The following TP73 variants were observed in gnomAD, a reference collection of about 807,000 sequenced individuals.
TP73 encodes p53-like transcription factor.
Under a neutral mutation model 62.5 loss-of-function variants are expected in TP73, and 25 were observed. That is an observed-to-expected ratio of 0.40 (90% CI 0.29 to 0.56). The LOEUF is 0.56. Among genes scored for constraint, TP73 ranks in the 20% least tolerant of loss-of-function variants. The pLI is 0.46. For missense variants in TP73, 754 were observed against 913.3 expected (o/e 0.83, Z 2.25); for synonymous variants, 423 against 377.5 (o/e 1.12, Z -1.40).
At chr1:3,694,914 T>G (rs1384500877) in intron 3 of TP73, among the ~76,000 whole-genome samples, 1 of 121,914 alleles carries the variant, frequency 8.2e-6, no homozygotes, top group African/African-American at 2.9e-5. Flanking sequence ...CAGCCCCTCC[T>G]CCCGCAATCC....
chr1:3,669,936 G>A (rs1645202898), intron 1 of TP73, among the ~76,000 whole-genome samples: 1 of 152,236 alleles, frequency 6.6e-6, no homozygotes, highest in African/African-American at 2.4e-5. Flanking sequence ...GCATGTATGT[G>A]CAAGTGTGTT....
chr1:3,671,059 C>T (rs544280772), intron 1 of TP73, among the ~76,000 whole-genome samples: 12 of 152,316 alleles, frequency 7.9e-5, no homozygotes, highest in Admixed American at 4.6e-4. Flanking sequence ...TCCTGACAGC[C>T]GTCCCTCGTG....
chr1:3,719,417 G>A (rs3765770), intron 4 of TP73, among the ~76,000 whole-genome samples: 4,617 of 152,290 alleles, frequency 0.03, 162 homozygotes, highest in East Asian at 0.18. Context: ...TCCCCTGCTC[G>A]GGGCACTGGC....
Position 3,699,152 on chromosome 1 carries a change from G to A in TP73, c.187-8397G>A, listed in dbSNP as rs910941861. 3.3e-5 allele frequency among the ~76,000 whole-genome samples: 5 copies of A among 152,132 alleles called. No individual in the cohort carries two copies. The highest frequency in any genetic ancestry group is 3.9e-4 in the East Asian group (2 of 5,184). Reference sequence around the variant, plus strand: ...GGGAGAGGGAGGCTTCCCCCCAGCCGCATGTCGAATCTTGTTGGCATTTCC... The same window carrying A: ...GGGAGAGGGAGGCTTCCCCCCAGCCACATGTCGAATCTTGTTGGCATTTCC... On this transcript the variant is annotated intron_variant, in intron 3 of 13. Coordinates refer to ENST00000378295, the MANE Select transcript of TP73 (RefSeq NM_005427.4). The surrounding 1 kb of genome is among the most constrained non-coding windows in gnomAD (Gnocchi z 4.1).
At position 3,663,992 on chromosome 1, in the gene TP73, A is replaced by C. The variant is rs1046347110; in HGVS notation, c.-34+11351A>C. Among the ~76,000 whole-genome samples the C allele has an allele frequency of 3.3e-5, 5 of 152,058 alleles. No individual in the cohort carries two copies. The highest frequency in any genetic ancestry group is 7.4e-5 in the Non-Finnish European group (5 of 67,988). On this transcript the variant is annotated intron_variant, in intron 1 of 13. Coordinates refer to ENST00000378295, the MANE Select transcript of TP73 (RefSeq NM_005427.4). This position sits in a 1 kb window ranked among gnomAD's most constrained non-coding sequence, Gnocchi z 4.7. Reference sequence around the variant, plus strand: ...GGTCGTGGCCGGCCCCCCTCCCTCCATGCCACAGGCTCTCTGGAGAGGCCA... The same window carrying C: ...GGTCGTGGCCGGCCCCCCTCCCTCCCTGCCACAGGCTCTCTGGAGAGGCCA...
chr1:3,690,754 G>A (rs907450361), intron 3 of TP73: 33 of 1,459,654 alleles, frequency 2.3e-5, no homozygotes, highest in South Asian at 6.8e-5. Context: ...CAGCATCCTC[G>A]GCTCCTGCCT....
chr1:3,695,810 C>T (rs1638598556), intron 3 of TP73, among the ~76,000 whole-genome samples: 1 of 152,220 alleles, frequency 6.6e-6, no homozygotes, highest in Non-Finnish European at 1.5e-5. Context: ...GGGGGCAGGG[C>T]CAAGGCCAGG....
rs146593656 is a variant in TP73 at position 3,706,508 on chromosome 1, C to T, written c.187-1041C>T. On this transcript the variant is annotated intron_variant, in intron 3 of 13. Coordinates refer to ENST00000378295, the MANE Select transcript of TP73 (RefSeq NM_005427.4). Reference sequence around the variant, plus strand: ...ACAATCACGGTGCCCGCCGCAGGCCCGGGGAGAGGGGGGTAAAGGCATTTG... The same window carrying T: ...ACAATCACGGTGCCCGCCGCAGGCCTGGGGAGAGGGGGGTAAAGGCATTTG... Among the ~76,000 whole-genome samples, 841 of 148,852 alleles carry T rather than the reference C, an allele frequency of 5.6e-3. 12 individuals carry two copies. Among genetic ancestry groups the T allele is most frequent in the African/African-American group, 0.02 (780 of 39,392 alleles).
At chr1:3,704,774 C>T (rs1477939114) in intron 3 of TP73, among the ~76,000 whole-genome samples, 3 of 152,132 alleles carry the variant, frequency 2.0e-5, no homozygotes, top group Non-Finnish European at 2.9e-5. Flanking sequence ...CTGGGCTGTG[C>T]GACCAGAGCC....
intron 3 of TP73, among the ~76,000 whole-genome samples, chr1:3,700,595 G>C (rs933208885): frequency 1.3e-5 from 2 of 152,072 alleles, no homozygotes; most frequent in Admixed American, 1.3e-4. Flanking sequence ...TCAGGAGTTC[G>C]AGACCAGCCT....
rs75743279 is a variant in TP73, at chr1:3,699,839, G to C, written c.187-7710G>C. 4.6e-5 allele frequency among the ~76,000 whole-genome samples: 7 copies of C among 152,208 alleles called. No homozygotes were observed. In the East Asian group the frequency reaches 1.4e-3, roughly 29 times the overall value. ...GGATTTCAGCTGACATCCCTACTACGCTTTTTCACGTGCCTCCCTCTCTGA... is the reference window on the plus strand; with the variant it reads ...GGATTTCAGCTGACATCCCTACTACCCTTTTTCACGTGCCTCCCTCTCTGA... On this transcript the variant is annotated intron_variant, in intron 3 of 13. Coordinates refer to ENST00000378295, the MANE Select transcript of TP73 (RefSeq NM_005427.4). This position sits in a 1 kb window ranked among gnomAD's most constrained non-coding sequence, Gnocchi z 4.1.
chr1:3,673,408 G>C (rs1570399836), intron 1 of TP73, among the ~76,000 whole-genome samples: 1 of 152,188 alleles, frequency 6.6e-6, no homozygotes, highest in Admixed American at 6.5e-5. Context: ...ATGGCAACTC[G>C]ATACGGTTTA....
In TP73 at chr1:3,735,581, G is replaced by C. The variant is rs1190517712; in HGVS notation, c.*2502G>C. 1 of 152,232 alleles carries C rather than the reference G, an allele frequency of 6.6e-6. No individual in the cohort carries two copies. Among genetic ancestry groups the C allele is most frequent in the Non-Finnish European group, 1.5e-5 (1 of 68,054 alleles). 9.4% of individuals were successfully genotyped at this position (152,232 alleles called of 1,614,324 possible). A position where few individuals can be genotyped will look rare whatever the true frequency, so the allele number is the denominator to read the frequency against. On this transcript the variant is annotated 3_prime_UTR_variant, in exon 14 of 14. Transcript: ENST00000378295. ...CAGAGTTGAGACTTCGCCGTGGTCA[G>C]GAGAAAATGCAAATTCCCAGGAACA...
chr1:3,689,641 G>C lies in TP73; in HGVS notation c.186+6461G>C, dbSNP rs973259567. Reference sequence around the variant, plus strand: ...GCCCCTGCCGGCTCTCGGTGGGGACGACAGGGAGGAAGGAAGCTGGGGAGA... The same window carrying C: ...GCCCCTGCCGGCTCTCGGTGGGGACCACAGGGAGGAAGGAAGCTGGGGAGA... On this transcript the variant is annotated intron_variant, in intron 3 of 13. Coordinates refer to ENST00000378295, the MANE Select transcript of TP73 (RefSeq NM_005427.4). Among the ~76,000 whole-genome samples the C allele has an allele frequency of 3.3e-5, 5 of 151,812 alleles. No individual in the cohort carries two copies. In the East Asian group the frequency reaches 9.8e-4, roughly 30 times the overall value.
chr1:3,673,754 C>T (rs966308406), intron 1 of TP73, among the ~76,000 whole-genome samples: 1 of 152,214 alleles, frequency 6.6e-6, no homozygotes, highest in Non-Finnish European at 1.5e-5. Context: ...CAGCAGAGGA[C>T]AAGGCGGGCC....
chr1:3,729,487 G>A (rs1293387034), intron 10 of TP73, 39 bp downstream of exon 10: 3 of 1,611,270 alleles, frequency 1.9e-6, no homozygotes, highest in Non-Finnish European at 2.5e-6. Flanking sequence ...TGGGGAAGGA[G>A]GACATGGCTT....
At chr1:3,655,046 G>A (rs560505170) in intron 1 of TP73, among the ~76,000 whole-genome samples, 11 of 152,348 alleles carry the variant, frequency 7.2e-5, no homozygotes, top group East Asian at 3.9e-4. Flanking sequence ...GTGACATCGC[G>A]TACACGGTGA....
At chr1:3,667,389 C>T (rs911189098) in intron 1 of TP73, among the ~76,000 whole-genome samples, 6 of 152,200 alleles carry the variant, frequency 3.9e-5, no homozygotes, top group South Asian at 2.1e-4. Context: ...TCATTGGTTA[C>T]GGCAGCCACA....
chr1:3,704,298 T>C (rs1194256270), intron 3 of TP73, among the ~76,000 whole-genome samples: 1 of 152,142 alleles, frequency 6.6e-6, no homozygotes, highest in African/African-American at 2.4e-5. Flanking sequence ...CAGTAGGAAA[T>C]GGTGAGCGAG....
Sources: allele counts gnomAD v4.1 joint callset (sites outside exome capture counted in the v4.1 genomes callset), GRCh38; gene constraint gnomAD v4.1.1; non-coding constraint Gnocchi (gnomAD v3.1); transcripts MANE v1.5; gene names NCBI Gene and HGNC (gene_info 2026-07-23, HGNC 2026-07-21).